Variants in ACBD6 observed in about 807,000 individuals in gnomAD.
ACBD6 encodes acyl-CoA-binding domain-containing protein 6.
In ACBD6, 28 loss-of-function variants were observed where a neutral mutation model predicts 37.2. The ratio of observed to expected loss-of-function variants is 0.75; its 90% CI spans 0.56 to 1.03. The LOEUF (loss-of-function observed/expected upper bound fraction) is 1.03, where lower values mean the gene tolerates loss of function less well. Among genes scored for constraint, ACBD6 ranks in the 50% least tolerant of loss-of-function variants. The probability of loss-of-function intolerance (pLI) is 0.00; values close to 1 mark genes in which losing one functional copy is unlikely to be tolerated. For synonymous variants in ACBD6, 113 were observed against 126.8 expected (o/e 0.89, Z 0.73); for missense variants, 340 against 337.4 (o/e 1.01, Z -0.06).
chr1:180,311,237 T>C (rs1418742716), intron 7 of ACBD6, among the ~76,000 whole-genome samples: 1 of 151,988 alleles, frequency 6.6e-6, no homozygotes, highest in Non-Finnish European at 1.5e-5. Context: ...TCTGCATCGC[T>C]CTGATGGGAC....
chr1:180,447,434 A>C (rs1429238204), intron 3 of ACBD6, among the ~76,000 whole-genome samples: 1 of 152,114 alleles, frequency 6.6e-6, no homozygotes, highest in Non-Finnish European at 1.5e-5. Flanking sequence ...GCTTTCTACC[A>C]CCCCACAATA....
intron 6 of ACBD6, among the ~76,000 whole-genome samples, chr1:180,347,929 G>C (rs1286664210): frequency 6.6e-6 from 1 of 151,832 alleles, no homozygotes; most frequent in African/African-American, 2.4e-5. Flanking sequence ...TGCGCCACTG[G>C]GTGACACAGC....
intron 5 of ACBD6, among the ~76,000 whole-genome samples, chr1:180,408,516 T>C (rs563895221): frequency 1.4e-4 from 22 of 151,954 alleles, no homozygotes; most frequent in African/African-American, 5.3e-4. Context: ...CTGGGGACTG[T>C]TGTGGGGTGA....
At chr1:180,420,455 T>C (rs1260378149) in intron 4 of ACBD6, among the ~76,000 whole-genome samples, 1 of 152,198 alleles carries the variant, frequency 6.6e-6, no homozygotes, top group Non-Finnish European at 1.5e-5. Context: ...TTCTCTTTCG[T>C]GGTGTTGACA....
chr1:180,377,840 G>A (rs1359229919), intron 6 of ACBD6, among the ~76,000 whole-genome samples: 9 of 152,010 alleles, frequency 5.9e-5, no homozygotes, highest in African/African-American at 1.4e-4. Flanking sequence ...CCAGCTACTC[G>A]GGAGGCCAAG....
At chr1:180,424,968 C>A (rs1648525397) in intron 4 of ACBD6, among the ~76,000 whole-genome samples, 1 of 152,210 alleles carries the variant, frequency 6.6e-6, no homozygotes, top group African/African-American at 2.4e-5. Flanking sequence ...TCAAGACCCA[C>A]ATGTCCCAGG....
At chr1:180,440,846 T>C (rs1199134753) in intron 3 of ACBD6, among the ~76,000 whole-genome samples, 3 of 152,244 alleles carry the variant, frequency 2.0e-5, no homozygotes, top group African/African-American at 7.2e-5. Flanking sequence ...TTTAATGTTT[T>C]CAAGGCTCAT....
At chr1:180,365,514 T>A (rs1161155174) in intron 6 of ACBD6, among the ~76,000 whole-genome samples, 1 of 152,208 alleles carries the variant, frequency 6.6e-6, no homozygotes, top group African/African-American at 2.4e-5. Context: ...TCTTCAAATT[T>A]ATCAACATCC....
At chr1:180,367,650 T>G (rs1039508609) in intron 6 of ACBD6, among the ~76,000 whole-genome samples, 32 of 152,230 alleles carry the variant, frequency 2.1e-4, no homozygotes, top group African/African-American at 7.7e-4. Context: ...TATTTGGTTT[T>G]CTATTCCTGC....
At chr1:180,272,256 T>C (rs993511975) in intron 13 of ACBD6, among the ~76,000 whole-genome samples, 2 of 152,110 alleles carry the variant, frequency 1.3e-5, no homozygotes, top group South Asian at 2.1e-4. Flanking sequence ...GGCCCCAAGG[T>C]CTCCCCTCCC....
In ACBD6 at chr1:180,333,798, A is replaced by G. The variant is rs572260700; in HGVS notation, c.664-19076T>C. Among the ~76,000 whole-genome samples the G allele has an allele frequency of 6.6e-5, 10 of 152,324 alleles. No individual in the cohort carries two copies. The South Asian group carries it at 2.1e-3, about 32-fold the overall frequency. ...AAGGGGTGACAGCCGGCATCTGGAA[A>G]ATCAGGTCACTCCCACTCTAATACT... is the stretch of plus-strand genomic sequence containing the variant. On this transcript the variant is annotated intron_variant, in intron 6 of 7. Coordinates refer to ENST00000367595, the MANE Select transcript of ACBD6 (RefSeq NM_032360.4).
At chr1:180,292,533 A>G (rs1411531734) in intron 7 of ACBD6, among the ~76,000 whole-genome samples, 1 of 151,890 alleles carries the variant, frequency 6.6e-6, no homozygotes, top group East Asian at 1.9e-4. Context: ...TCAATTGTTC[A>G]TTACTAGTAT....
intron 3 of ACBD6, among the ~76,000 whole-genome samples, chr1:180,464,344 A>G (rs1019904498): frequency 2.0e-5 from 3 of 152,208 alleles, no homozygotes; most frequent in Non-Finnish European, 2.9e-5. Context: ...GCAAAGTTGC[A>G]GGATACAAAA....
chr1:180,438,319 T>C (rs1649137856), intron 3 of ACBD6: 1 of 152,834 alleles, frequency 6.5e-6, no homozygotes, highest in South Asian at 2.1e-4. Flanking sequence ...ACTTAAAATG[T>C]TTCTGTCCTT....
chr1:180,438,846 C>T (rs1361504750), intron 3 of ACBD6, among the ~76,000 whole-genome samples: 3 of 152,112 alleles, frequency 2.0e-5, no homozygotes, highest in South Asian at 2.1e-4. Flanking sequence ...ATGACATGTA[C>T]CCACCACTGC....
At chr1:180,286,764 C>T (rs1482980608), downstream of ACBD6, among the ~76,000 whole-genome samples, 1 of 152,074 alleles carries the variant, frequency 6.6e-6, no homozygotes, top group Non-Finnish European at 1.5e-5. Flanking sequence ...TGGTTTATAT[C>T]TCAGAAAATA....
chr1:180,348,839 C>CT (rs1265915614), intron 6 of ACBD6, among the ~76,000 whole-genome samples: 1 of 152,110 alleles, frequency 6.6e-6, no homozygotes, highest in Non-Finnish European at 1.5e-5. Context: ...TATTCAACTG[C>CT]TTTTACTAAG....
At chr1:180,318,042 G>T (rs556263553) in intron 6 of ACBD6, among the ~76,000 whole-genome samples, 117 of 151,882 alleles carry the variant, frequency 7.7e-4, no homozygotes, top group Middle Eastern at 3.4e-3. Context: ...CCAGGCGTTG[G>T]TGGCTTGTGT....
chr1:180,459,338 G>A (rs532983595), intron 3 of ACBD6, among the ~76,000 whole-genome samples: 13 of 152,012 alleles, frequency 8.6e-5, no homozygotes, highest in South Asian at 2.1e-4. Flanking sequence ...TATCTGACCC[G>A]TTTGTTAAAG....
Sources: gnomAD v4.1 joint callset for allele counts (sites outside exome capture counted in the v4.1 genomes callset) on GRCh38, gnomAD v4.1.1 for gene constraint, MANE v1.5 for transcripts, NCBI Gene and HGNC (gene_info 2026-07-23, HGNC 2026-07-21) for gene names.